The following FOXP1 variants were observed in gnomAD, a reference collection of about 807,000 sequenced individuals.
FOXP1 encodes the protein forkhead box protein P1.
Under a neutral mutation model 98.2 loss-of-function variants are expected in FOXP1, and 15 were observed. That is an observed-to-expected ratio of 0.15 (90% CI 0.10 to 0.24). The LOEUF (loss-of-function observed/expected upper bound fraction) is 0.24, where lower values mean the gene tolerates loss of function less well. FOXP1 is among the 10% of genes least tolerant of loss of function. FOXP1 has a pLI of 1.00. For synonymous variants in FOXP1, 371 were observed against 314.5 expected (o/e 1.18, Z -1.90); for missense variants, 633 against 848.5 (o/e 0.75, Z 3.15).
intron 13 of FOXP1, among the ~76,000 whole-genome samples, chr3:70,992,925 G>A (rs1351574864): frequency 3.3e-5 from 5 of 152,122 alleles, no homozygotes. Context: ...CTCTTTCCCC[G>A]ACGTGCTCAG....
intron 3 of FOXP1, among the ~76,000 whole-genome samples, chr3:71,412,486 C>G (rs138879647): frequency 2.0e-3 from 311 of 152,194 alleles, no homozygotes; most frequent in Admixed American, 4.4e-3. Context: ...GTATTCTGGC[C>G]AAAGTGGGCC....
At chr3:71,041,687 G>A (rs966310225) in intron 10 of FOXP1, among the ~76,000 whole-genome samples, 155 bp from the exon 11 acceptor site, 2 of 152,004 alleles carry the variant, frequency 1.3e-5, no homozygotes, top group African/African-American at 2.4e-5. Context: ...CGGCAGATGC[G>A]GTAGTAAAAA....
intron 14 of FOXP1, among the ~76,000 whole-genome samples, chr3:70,985,807 T>G (rs1331793883): frequency 6.6e-6 from 1 of 151,962 alleles, no homozygotes; most frequent in Non-Finnish European, 1.5e-5. Context: ...CATCTTGGAG[T>G]TCTTTATATT....
At chr3:71,384,584 G>C (rs1036200540) in intron 3 of FOXP1, among the ~76,000 whole-genome samples, 4 of 152,202 alleles carry the variant, frequency 2.6e-5, no homozygotes, top group African/African-American at 9.7e-5. Context: ...TCTCAGTAAT[G>C]TGGCCAATTG....
At chr3:71,214,559 G>A (rs73839444) in intron 5 of FOXP1, among the ~76,000 whole-genome samples, 2,291 of 152,318 alleles carry the variant, frequency 0.015, 44 homozygotes, top group African/African-American at 0.052. Flanking sequence ...CATGGTAGCT[G>A]TGAGGGGTGG....
chr3:71,533,251 G>C (rs1421600157), intron 2 of FOXP1, among the ~76,000 whole-genome samples: 1 of 152,146 alleles, frequency 6.6e-6, no homozygotes, highest in Non-Finnish European at 1.5e-5. Flanking sequence ...GCCCACTTAT[G>C]AGAGGATTTT....
intron 3 of FOXP1, among the ~76,000 whole-genome samples, chr3:71,423,299 A>G (rs1322638976): frequency 2.0e-5 from 3 of 152,206 alleles, no homozygotes; most frequent in Non-Finnish European, 2.9e-5. Context: ...TCGCAGAGCA[A>G]GACCAAGCGT....
chr3:71,108,611 C>T (rs2057644037), intron 7 of FOXP1, among the ~76,000 whole-genome samples: 1 of 152,098 alleles, frequency 6.6e-6, no homozygotes, highest in Admixed American at 6.5e-5. Flanking sequence ...ACTAAAATTA[C>T]AAAAATTATC....
At chr3:71,380,937 G>C (rs1262361664) in intron 3 of FOXP1, among the ~76,000 whole-genome samples, 1 of 151,886 alleles carries the variant, frequency 6.6e-6, no homozygotes, top group Admixed American at 6.6e-5. Flanking sequence ...TTTAAAACAT[G>C]CTAGTAAAAC....
intron 3 of FOXP1, among the ~76,000 whole-genome samples, chr3:71,365,763 T>A (rs1286221827): frequency 1.3e-5 from 2 of 152,162 alleles, no homozygotes; most frequent in African/African-American, 4.8e-5. Flanking sequence ...GCCCGGCAGA[T>A]CACGAGGTCA....
At chr3:71,294,429 C>T (rs1027674538) in intron 5 of FOXP1, among the ~76,000 whole-genome samples, 3 of 152,150 alleles carry the variant, frequency 2.0e-5, no homozygotes, top group African/African-American at 7.2e-5. Context: ...CTCAAATCAA[C>T]CAACAATTGC....
At chr3:71,487,824 T>C (rs929549093) in intron 3 of FOXP1, among the ~76,000 whole-genome samples, 5 of 152,258 alleles carry the variant, frequency 3.3e-5, no homozygotes, top group Non-Finnish European at 7.3e-5. Context: ...GGAAAATACA[T>C]GCAATATAAA....
chr3:71,506,663 G>A (rs1282144463), intron 2 of FOXP1, among the ~76,000 whole-genome samples: 4 of 152,086 alleles, frequency 2.6e-5, no homozygotes, highest in African/African-American at 9.7e-5. Flanking sequence ...CTGAACAACT[G>A]GGGGAAGCTG....
intron 2 of FOXP1, among the ~76,000 whole-genome samples, chr3:71,498,045 C>T (rs569158475): frequency 3.3e-5 from 5 of 152,098 alleles, no homozygotes; most frequent in African/African-American, 7.2e-5. Context: ...AAAATGCATG[C>T]GTTCTGGCAG....
intron 3 of FOXP1, among the ~76,000 whole-genome samples, chr3:71,442,761 T>C (rs929829162): frequency 2.6e-5 from 4 of 152,220 alleles, no homozygotes; most frequent in African/African-American, 9.7e-5. Flanking sequence ...GAGAAGGGGA[T>C]TGCAGGCGGA....
At chr3:71,481,752 C>A (rs573576527) in intron 3 of FOXP1, among the ~76,000 whole-genome samples, 1 of 151,972 alleles carries the variant, frequency 6.6e-6, no homozygotes, top group Non-Finnish European at 1.5e-5. Flanking sequence ...TTATTCTTAC[C>A]TTTCTTGAGA....
intron 5 of FOXP1, among the ~76,000 whole-genome samples, chr3:71,246,401 G>A (rs1274464261): frequency 6.6e-6 from 1 of 152,168 alleles, no homozygotes; most frequent in Non-Finnish European, 1.5e-5. Flanking sequence ...AATTAAGAAT[G>A]AAGCCAGGCT....
chr3:71,022,765 C>G (rs1256723752), intron 11 of FOXP1, among the ~76,000 whole-genome samples: 1 of 152,150 alleles, frequency 6.6e-6, no homozygotes, highest in Non-Finnish European at 1.5e-5. Context: ...GAGAATCACA[C>G]AAGAGCTCCT....
chr3:71,494,163 C>G (rs1430688714), intron 2 of FOXP1, among the ~76,000 whole-genome samples: 1 of 152,058 alleles, frequency 6.6e-6, no homozygotes, highest in Non-Finnish European at 1.5e-5. Context: ...AGCTGAGAAG[C>G]CTGAGTTCTG....
Sources: gnomAD v4.1 joint callset for allele counts (sites outside exome capture counted in the v4.1 genomes callset) on GRCh38, gnomAD v4.1.1 for gene constraint, MANE v1.5 for transcripts, NCBI Gene and HGNC (gene_info 2026-07-23, HGNC 2026-07-21) for gene names.